RAP1B: variants seen among roughly 807,000 people sequenced by gnomAD.
The protein encoded by RAP1B is RAP1B, member of RAS oncogene family, also known as ras-related protein Rap-1b.
Under a neutral mutation model 27.5 loss-of-function variants are expected in RAP1B, and 1 was observed. The ratio of observed to expected loss-of-function variants is 0.04; its 90% CI spans 0.01 to 0.17. The LOEUF is 0.17. RAP1B is among the 10% of genes least tolerant of loss of function. RAP1B has a pLI of 1.00. For synonymous variants in RAP1B, 75 were observed against 73.1 expected, an observed-to-expected ratio of 1.03 and a Z score of -0.13; for missense variants, 84 against 214.8, an observed-to-expected ratio of 0.39 and a Z score of 3.81.
intron 1 of RAP1B, among the ~76,000 whole-genome samples, chr12:68,615,015 G>T (rs1472986697): frequency 6.6e-6 from 1 of 152,158 alleles, no homozygotes; most frequent in African/African-American, 2.4e-5. Flanking sequence ...CTCTTTGGTC[G>T]TGGAGAGTTT....
chr12:68,632,138 T>TGG (rs1436115832), intron 1 of RAP1B, among the ~76,000 whole-genome samples: 1 of 134,380 alleles, frequency 7.4e-6, no homozygotes, highest in African/African-American at 3.3e-5. Context: ...TGTTTTTTTT[T>TGG]TTTTTTTGTT....
At chr12:68,657,287 A>G in intron 7 of RAP1B, 70 bp downstream of exon 7, 1 of 919,106 alleles carries the variant, frequency 1.1e-6, no homozygotes, top group Non-Finnish European at 1.7e-6. Flanking sequence ...TCATGAAAGC[A>G]AGTATAGACT....
At chr12:68,619,180 C>T (rs1871226651) in intron 1 of RAP1B, among the ~76,000 whole-genome samples, 1 of 152,198 alleles carries the variant, frequency 6.6e-6, no homozygotes, top group Non-Finnish European at 1.5e-5. Context: ...GATTGAGTCA[C>T]ACGCTGAATC....
rs537406966 is a variant in RAP1B at position 68,665,005 on chromosome 12, A to T, written c.*5756A>T. ...AAAACTATGTGGCTGGCAGAAAAAA[A>T]TAAGTGCGTGTGGTGGTGCTTGCCT... is the stretch of plus-strand genomic sequence containing the variant. On this transcript the variant is annotated 3_prime_UTR_variant, in exon 8 of 8. Transcript: ENST00000250559. 1 of 152,220 alleles carries T rather than the reference A, an allele frequency of 6.6e-6. No individual in the cohort carries two copies. Among genetic ancestry groups the T allele is most frequent in the African/African-American group, 2.4e-5 (1 of 41,544 alleles). 9.4% of individuals were successfully genotyped at this position (152,220 alleles called of 1,614,324 possible).
At position 68,667,079 on chromosome 12, in the gene RAP1B, T is replaced by C. The variant is rs145047115; in HGVS notation, c.*7830T>C. 1.9e-4 allele frequency: 29 copies of C among 152,324 alleles called. No individual in the cohort carries two copies. Among genetic ancestry groups the C allele is most frequent in the African/African-American group, 5.3e-4 (22 of 41,574 alleles). 9.4% of individuals were successfully genotyped at this position (152,324 alleles called of 1,614,324 possible). On this transcript the variant is annotated 3_prime_UTR_variant, in exon 8 of 8. Coordinates refer to ENST00000250559, the MANE Select transcript of RAP1B (RefSeq NM_001010942.3). ...GCCTACCCTACATATTTTATATTTA[T>C]CAATGATGACAGAAACTTCCCCCCT... is the stretch of plus-strand genomic sequence containing the variant.
Position 68,649,013 on chromosome 12 carries a change from C to G in RAP1B, c.57+232C>G, listed in dbSNP as rs1474998800. On this transcript the variant is annotated intron_variant, in intron 2 of 7. Coordinates refer to ENST00000250559, the MANE Select transcript of RAP1B (RefSeq NM_001010942.3). ...GAGTTATGCTGGAATACAATTTGAGCTAAGCACAGAGATTGAGAGCGTACA... is the reference window on the plus strand; with the variant it reads ...GAGTTATGCTGGAATACAATTTGAGGTAAGCACAGAGATTGAGAGCGTACA... 4.9e-5 allele frequency: 23 copies of G among 466,920 alleles called. No homozygotes were observed. In the South Asian group the frequency reaches 8.7e-4, roughly 18 times the overall value. 28.9% of individuals were successfully genotyped at this position (466,920 alleles called of 1,614,324 possible).
intron 1 of RAP1B, among the ~76,000 whole-genome samples, chr12:68,612,005 T>G (rs1410571093): frequency 5.3e-5 from 8 of 152,138 alleles, no homozygotes; most frequent in Non-Finnish European, 7.4e-5. Context: ...CCTCTCCCAC[T>G]CTCTTTAATA....
intron 1 of RAP1B, chr12:68,640,904 AATT>A (rs1872949936): frequency 6.6e-6 from 1 of 152,228 alleles, no homozygotes; most frequent in African/African-American, 2.4e-5. Context: ...GTTAACTCAG[AATT>A]ATTATAGCAT....
At chr12:68,654,441 GA>G (rs1336219917) in intron 5 of RAP1B, among the ~76,000 whole-genome samples, 189 bp downstream of exon 5, 7 of 150,990 alleles carry the variant, frequency 4.6e-5, no homozygotes, top group Non-Finnish European at 1.0e-4. Context: ...TGGAAAGTGA[GA>G]AATTTCCTCC....
rs371622050 is a variant in RAP1B at position 68,656,259 on chromosome 12, A to G, written c.325-47A>G. On this transcript the variant is annotated intron_variant, in intron 5 of 7. Transcript: ENST00000250559. ...TAGAATTCTTTTGATTTGAATTCATATAGCATATTTACTTATTTATTTTTA... is the reference window on the plus strand; with the variant it reads ...TAGAATTCTTTTGATTTGAATTCATGTAGCATATTTACTTATTTATTTTTA... The G allele has an allele frequency of 3.3e-5, 49 of 1,502,106 alleles. No homozygotes were observed. The African/African-American group carries it at 4.3e-4, about 13-fold the overall frequency. The allele number at this position is 1,502,106 out of a possible 1,614,324, so 93.0% of individuals were successfully genotyped here.
chr12:68,658,103 A>C (rs1166441766), intron 7 of RAP1B, among the ~76,000 whole-genome samples: 2 of 152,222 alleles, frequency 1.3e-5, no homozygotes, highest in Non-Finnish European at 2.9e-5. Context: ...AGCTGTCATT[A>C]AACTGTTTAT....
intron 7 of RAP1B, among the ~76,000 whole-genome samples, chr12:68,658,071 C>T (rs1434931053): frequency 1.3e-5 from 2 of 152,208 alleles, no homozygotes; most frequent in Non-Finnish European, 2.9e-5. Context: ...TGCTGTTTGC[C>T]AATGATAATG....
At chr12:68,649,129 C>G in intron 2 of RAP1B, 1 of 185,136 alleles carries the variant, frequency 5.4e-6, no homozygotes. Context: ...CAGGGTCTCA[C>G]TCTGTTGCCC....
At chr12:68,657,699 C>G (rs928331940) in intron 7 of RAP1B, 5 of 159,868 alleles carry the variant, frequency 3.1e-5, no homozygotes, top group African/African-American at 1.2e-4. Flanking sequence ...AGCCACCACT[C>G]CCAGCCAACC....
intron 3 of RAP1B, among the ~76,000 whole-genome samples, chr12:68,651,347 G>A (rs929945884): frequency 8.5e-5 from 13 of 152,090 alleles, no homozygotes; most frequent in Non-Finnish European, 1.3e-4. Flanking sequence ...CACAAATACT[G>A]TGTTTCCATT....
At chr12:68,627,301 A>C in intron 1 of RAP1B, 1 of 826,910 alleles carries the variant, frequency 1.2e-6, no homozygotes, top group Non-Finnish European at 2.1e-6. Flanking sequence ...ACTACCAAGG[A>C]AGCTGCTGTT....
At chr12:68,616,860 T>C (rs1871063722) in intron 1 of RAP1B, among the ~76,000 whole-genome samples, 1 of 152,200 alleles carries the variant, frequency 6.6e-6, no homozygotes. Flanking sequence ...CCACTGTGCC[T>C]GGCCCAGCAT....
chr12:68,645,630 T>C (rs1177015613), intron 1 of RAP1B, among the ~76,000 whole-genome samples: 2 of 152,264 alleles, frequency 1.3e-5, no homozygotes, highest in Non-Finnish European at 2.9e-5. Context: ...AAGCCAATTA[T>C]GTTGCTTATT....
At chr12:68,654,421 A>G (rs1874052936) in intron 5 of RAP1B, among the ~76,000 whole-genome samples, 169 bp downstream of exon 5, 1 of 150,764 alleles carries the variant, frequency 6.6e-6, no homozygotes, top group South Asian at 2.1e-4. Context: ...GTTTTCAAAT[A>G]TATATCATGT....
Sources: allele counts gnomAD v4.1 joint callset (sites outside exome capture counted in the v4.1 genomes callset), GRCh38; gene constraint gnomAD v4.1.1; transcripts MANE v1.5; gene names NCBI Gene and HGNC (gene_info 2026-07-23, HGNC 2026-07-21).